Variants in PIGG observed in about 807,000 individuals in gnomAD.
PIGG encodes the protein GPI ethanolamine phosphate transferase 2, catalytic subunit.
Under a neutral mutation model 83.2 loss-of-function variants are expected in PIGG, and 70 were observed. The observed-to-expected ratio is 0.84, with a 90% CI of 0.69 to 1.03. PIGG has a LOEUF of 1.03. Ranked by LOEUF, PIGG falls within the 50% of genes least tolerant of loss-of-function variation. PIGG has a pLI of 0.00. For missense variants in PIGG, 1,257 were observed against 1,233.6 expected (o/e 1.02, Z -0.28); for synonymous variants, 532 against 519.5 (o/e 1.02, Z -0.33).
chr4:523,829 T>A lies in PIGG; in HGVS notation c.1985T>A (p.Leu662Gln), dbSNP rs980198923. The A allele has an allele frequency of 3.1e-6, 5 of 1,610,990 alleles. No homozygotes were observed. In the African/African-American group the frequency reaches 6.7e-5, roughly 22 times the overall value. The stretch of plus-strand genomic sequence containing the variant: ...GTGCTGGCCAGTCCGTGGCTAATAC[T>A]GGCCTGCTGCCGGCTGCTGCGCTCC... ...WMVLASPWLI[L>Q]ACCRLLRSLN... The change falls in exon 9 of 13, where the codon CTG becomes CAG. Residue 662 changes from leucine to glutamine, a missense_variant. Coordinates refer to ENST00000453061, the MANE Select transcript of PIGG (RefSeq NM_001127178.3).
intron 12 of PIGG, 77 bp from the exon 13 acceptor site, chr4:539,076 T>C (rs762461556): frequency 7.3e-6 from 7 of 958,870 alleles, no homozygotes; most frequent in African/African-American, 1.6e-5. Context: ...CTGGAGTCTT[T>C]TTGAAAATAA....
intron 6 of PIGG, 41 bp from the exon 7 acceptor site, chr4:521,015 G>T: frequency 7.6e-7 from 1 of 1,323,328 alleles, no homozygotes; most frequent in South Asian, 1.2e-5. Flanking sequence ...GTATGTTCAC[G>T]GTGTGTGTGC....
intron 6 of PIGG, among the ~76,000 whole-genome samples, chr4:518,320 GTGGTGGCTCACGCC>G (rs1724592865): frequency 2.6e-5 from 4 of 152,388 alleles, no homozygotes; most frequent in African/African-American, 9.6e-5. Context: ...TTGGCCAGGT[GTGGTGGCTCACGCC>G]TGTCATCCCA....
At chr4:511,895 GCACTTTGAATGTGCTGTCT>G (rs1406086750) in intron 5 of PIGG, among the ~76,000 whole-genome samples, 3 of 152,168 alleles carry the variant, frequency 2.0e-5, no homozygotes, top group Non-Finnish European at 2.9e-5. Flanking sequence ...TTTTCTTTCA[GCACTTTGAATGTGCTGTCT>G]CACCGCCTTC....
chr4:505,673 C>T (rs563522849), intron 2 of PIGG, 45 bp from the exon 3 acceptor site: 27 of 1,414,006 alleles, frequency 1.9e-5, no homozygotes, highest in Middle Eastern at 1.8e-4. Context: ...TTTCATGCTC[C>T]GGTTTTGGAT....
At chr4:508,315 G>A (rs1417867936) in intron 4 of PIGG, among the ~76,000 whole-genome samples, 4 of 152,218 alleles carry the variant, frequency 2.6e-5, no homozygotes, top group Non-Finnish European at 5.9e-5. Flanking sequence ...AGTGTTCCAG[G>A]AGGACCAGCA....
intron 9 of PIGG, chr4:525,676 A>T (rs887884855): frequency 3.3e-5 from 5 of 152,276 alleles, no homozygotes; most frequent in African/African-American, 1.2e-4. Flanking sequence ...GATTCTTCTG[A>T]TTAAGTAATT....
intron 4 of PIGG, 58 bp downstream of exon 4, chr4:507,651 A>G (rs1720226911): frequency 7.0e-7 from 1 of 1,421,328 alleles, no homozygotes; most frequent in Non-Finnish European, 9.6e-7. Flanking sequence ...TGTTCCCTAG[A>G]ATAAATGCAA....
Position 523,838 on chromosome 4 carries a change from G to A in PIGG, c.1994G>A (p.Cys665Tyr), listed in dbSNP as rs1160660225. 10 of 1,603,380 alleles carry A rather than the reference G, an allele frequency of 6.2e-6. No individual in the cohort carries two copies. The highest frequency in any genetic ancestry group is 7.7e-6 in the Non-Finnish European group (9 of 1,175,270). ...AGTCCGTGGCTAATACTGGCCTGCT[G>A]CCGGCTGCTGCGCTCCCTAAACCAG... Reference protein sequence around the residue: ...LASPWLILACCRLLRSLNQTG... With the variant: ...LASPWLILACYRLLRSLNQTG... The change falls in exon 9 of 13, where the codon TGC becomes TAC. Residue 665 changes from cysteine to tyrosine, a missense_variant. Cys to Tyr is a radical substitution (Grantham distance 194, BLOSUM62 -2). Transcript: ENST00000453061.
At position 507,561 on chromosome 4, in the gene PIGG, C is replaced by A. The variant is rs782056344; in HGVS notation, c.727C>A (p.Leu243Met). The change falls in exon 4 of 13, where the codon CTG (leucine) becomes ATG (methionine). Residue 243 changes from leucine (L) to methionine (M), a missense_variant. Leu to Met is a conservative substitution (Grantham distance 15, BLOSUM62 2). Coordinates refer to ENST00000453061, the MANE Select transcript of PIGG (RefSeq NM_001127178.3). ...GAAGCTGAGCGAGATGGACAGCGTG[C>A]TGATGAAGATCCACACCTCACTGCA... ...GQKLSEMDSV[L>M]MKIHTSLQSK... 1 of 1,613,596 alleles carries A rather than the reference C, an allele frequency of 6.2e-7. No homozygotes were observed. Among genetic ancestry groups the A allele is most frequent in the Non-Finnish European group, 8.5e-7 (1 of 1,179,860 alleles).
intron 1 of PIGG, chr4:499,875 C>T: frequency 3.0e-6 from 1 of 331,208 alleles, no homozygotes; most frequent in Non-Finnish European, 4.8e-6. Context: ...TGCCGATCCC[C>T]TCGCGTTTTG....
chr4:530,450 C>G lies in PIGG; in HGVS notation c.2276C>G (p.Ala759Gly). 1 of 1,611,400 alleles carries G rather than the reference C, an allele frequency of 6.2e-7. No individual in the cohort carries two copies. Among genetic ancestry groups the G allele is most frequent in the Non-Finnish European group, 8.5e-7 (1 of 1,177,864 alleles). Reference protein sequence around the residue: ...SKDISKGIIEARFVYVFVLGI... With the variant: ...SKDISKGIIEGRFVYVFVLGI... Reference sequence around the variant, plus strand: ...CTCTTTTTTAGGGGTATTATTGAAGCTCGTTTTGTTTATGTCTTTGTCCTT... The same window carrying G: ...CTCTTTTTTAGGGGTATTATTGAAGGTCGTTTTGTTTATGTCTTTGTCCTT... The change falls in exon 11 of 13, where the codon GCT (alanine) becomes GGT (glycine). Residue 759 changes from alanine (A) to glycine (G), a missense_variant. Coordinates refer to ENST00000453061, the MANE Select transcript of PIGG (RefSeq NM_001127178.3).
chr4:527,662 T>C, intron 10 of PIGG: 1 of 988,800 alleles, frequency 1.0e-6, no homozygotes, highest in Non-Finnish European at 1.2e-6. Context: ...AGCTGGGAAA[T>C]GAAGCTTGCT....
At chr4:503,108 G>A (rs1396054914) in intron 2 of PIGG, among the ~76,000 whole-genome samples, 3 of 152,128 alleles carry the variant, frequency 2.0e-5, no homozygotes, top group Non-Finnish European at 4.4e-5. Flanking sequence ...AAAATTTAAA[G>A]ATTGATGATC....
At chr4:507,322 A>T (rs1720067290) in intron 3 of PIGG, 83 bp from the exon 4 acceptor site, 3 of 1,079,364 alleles carry the variant, frequency 2.8e-6, no homozygotes, top group African/African-American at 1.6e-5. Flanking sequence ...CCTAGATTTT[A>T]AGATGACTGT....
intron 2 of PIGG, chr4:501,958 C>G (rs1489476202): frequency 1.3e-5 from 2 of 152,186 alleles, no homozygotes; most frequent in Non-Finnish European, 2.9e-5. Context: ...GGGGCATGCC[C>G]GGCACCTTTG....
chr4:510,292 A>G (rs1342493111), intron 5 of PIGG, among the ~76,000 whole-genome samples: 3 of 152,234 alleles, frequency 2.0e-5, no homozygotes, highest in Admixed American at 6.5e-5. Flanking sequence ...AATTAAAGGA[A>G]TAGATGGGGC....
intron 11 of PIGG, chr4:532,517 G>C (rs73072173): frequency 0.19 from 28,515 of 152,366 alleles, 3,234 homozygotes; most frequent in African/African-American, 0.32. Context: ...CACCGTCCAA[G>C]AGAGGCAGTA....
At position 527,354 on chromosome 4, in the gene PIGG, C is replaced by G. The variant is rs962635544; in HGVS notation, c.2261+124C>G. On this transcript the variant is annotated intron_variant, in intron 10 of 12. Transcript: ENST00000453061. ...GAGAAGACCAAGCCAGTCTTCAGAG[C>G]ATTGGAGTTTGGTGTTTGTGAATTG... The G allele has an allele frequency of 2.8e-6, 4 of 1,409,548 alleles. No individual in the cohort carries two copies. In the Admixed American group the frequency reaches 1.3e-4, roughly 47 times the overall value. The allele number at this position is 1,409,548 out of a possible 1,614,324, so 87.3% of individuals were successfully genotyped here. A position where few individuals can be genotyped will look rare whatever the true frequency, so the allele number is the denominator to read the frequency against.
Sources: allele counts gnomAD v4.1 joint callset (sites outside exome capture counted in the v4.1 genomes callset), GRCh38; gene constraint gnomAD v4.1.1; transcripts MANE v1.5; gene names NCBI Gene and HGNC (gene_info 2026-07-23, HGNC 2026-07-21).